MACROD2: variants seen among roughly 807,000 people sequenced by gnomAD.
MACROD2 encodes mono-ADP ribosylhydrolase 2, also known as ADP-ribose glycohydrolase MACROD2.
In MACROD2, 36 loss-of-function variants were observed where a neutral mutation model predicts 70.4. That is an observed-to-expected ratio of 0.51 (90% CI 0.39 to 0.68). MACROD2 has a LOEUF of 0.68. Among genes scored for constraint, MACROD2 ranks in the 30% least tolerant of loss-of-function variants. The pLI, the probability that MACROD2 is intolerant of heterozygous loss-of-function variation, is 0.00. For synonymous variants in MACROD2, 172 were observed against 178.8 expected (o/e 0.96, Z 0.30); for missense variants, 496 against 538.4 (o/e 0.92, Z 0.78).
chr20:15,766,075 T>A (rs2051520120), intron 8 of MACROD2, among the ~76,000 whole-genome samples: 1 of 152,192 alleles, frequency 6.6e-6, no homozygotes, highest in African/African-American at 2.4e-5. Flanking sequence ...CTTATGTTTT[T>A]TATTTGTTTT....
intron 5 of MACROD2, among the ~76,000 whole-genome samples, chr20:14,858,117 G>A (rs567692468): frequency 2.6e-5 from 4 of 152,124 alleles, no homozygotes; most frequent in Non-Finnish European, 5.9e-5. Context: ...CACAGTGCCT[G>A]GCCGAGGAAT....
chr20:14,663,999 C>T (rs928313183), intron 4 of MACROD2, among the ~76,000 whole-genome samples: 33 of 152,004 alleles, frequency 2.2e-4, no homozygotes, highest in Admixed American at 2.1e-3. Flanking sequence ...AGTTCTAGAA[C>T]GTATATTACA....
In MACROD2 at chr20:14,154,542, C is replaced by T. The variant is rs545015758; in HGVS notation, c.271+68814C>T. On this transcript the variant is annotated intron_variant, in intron 3 of 17. Coordinates refer to ENST00000684519, the MANE Select transcript of MACROD2 (RefSeq NM_001351661.2). ...CTGGGACGACAGGCTCCCGCCACTA[C>T]GCCCGGCTAATTTTTTTTTTTTTTT... Among the ~76,000 whole-genome samples the T allele has an allele frequency of 2.7e-4, 40 of 148,614 alleles. 1 individual carries two copies. The South Asian group carries it at 8.0e-3, about 30-fold the overall frequency.
chr20:15,207,436 G>GTT (rs548522491), intron 5 of MACROD2, among the ~76,000 whole-genome samples: 22,360 of 84,118 alleles, frequency 0.27, 4,045 homozygotes, highest in African/African-American at 0.32. Context: ...TTTGTTTCTG[G>GTT]TTTTTTTTTT....
intron 8 of MACROD2, among the ~76,000 whole-genome samples, chr20:15,518,642 G>A (rs1447187533): frequency 6.6e-6 from 1 of 152,122 alleles, no homozygotes; most frequent in Admixed American, 6.5e-5. Flanking sequence ...AAGAACAGGT[G>A]GGAAGAAGGG....
At chr20:15,152,768 G>A (rs1459589861) in intron 5 of MACROD2, among the ~76,000 whole-genome samples, 2 of 152,040 alleles carry the variant, frequency 1.3e-5, no homozygotes, top group African/African-American at 4.8e-5. Context: ...TGAATAATCA[G>A]AGAGGCATCC....
chr20:14,627,442 G>C (rs578252262), intron 4 of MACROD2, among the ~76,000 whole-genome samples: 95 of 152,168 alleles, frequency 6.2e-4, no homozygotes, highest in African/African-American at 2.1e-3. Context: ...GTCCCATTAG[G>C]ATCAACTGAG....
At chr20:15,545,864 A>G (rs909815484) in intron 8 of MACROD2, among the ~76,000 whole-genome samples, 24 of 152,244 alleles carry the variant, frequency 1.6e-4, no homozygotes, top group Admixed American at 1.6e-3. Context: ...GATGTAAGAC[A>G]GGGAGCACCA....
intron 5 of MACROD2, among the ~76,000 whole-genome samples, chr20:14,916,365 G>A (rs1330504865): frequency 6.6e-6 from 1 of 152,164 alleles, no homozygotes; most frequent in Non-Finnish European, 1.5e-5. Flanking sequence ...GTAGGGGTGG[G>A]GTTGAAGGGA....
chr20:14,078,470 G>A (rs990115578), intron 2 of MACROD2, among the ~76,000 whole-genome samples: 4 of 151,776 alleles, frequency 2.6e-5, no homozygotes, highest in African/African-American at 9.7e-5. Flanking sequence ...ACAATGGCGC[G>A]ATCTCGGCTC....
intron 8 of MACROD2, among the ~76,000 whole-genome samples, chr20:15,660,153 G>T (rs75857648): frequency 1.3e-5 from 2 of 152,070 alleles, no homozygotes; most frequent in East Asian, 3.9e-4. Flanking sequence ...CATAATGGGA[G>T]GAGAGAACAA....
chr20:14,584,020 C>T (rs1179589530), intron 4 of MACROD2, among the ~76,000 whole-genome samples: 1 of 152,144 alleles, frequency 6.6e-6, no homozygotes, highest in Admixed American at 6.5e-5. Flanking sequence ...TAGCAAATGC[C>T]TCCAGGAATT....
intron 5 of MACROD2, among the ~76,000 whole-genome samples, chr20:15,137,703 GTATAATA>G (rs2076160691): frequency 6.6e-6 from 1 of 151,594 alleles, no homozygotes; most frequent in East Asian, 1.9e-4. Context: ...AAAACTTAAA[GTATAATA>G]ATAATAAAAA....
intron 3 of MACROD2, among the ~76,000 whole-genome samples, chr20:14,446,208 G>C (rs1196050813): frequency 6.6e-6 from 1 of 151,874 alleles, no homozygotes; most frequent in Non-Finnish European, 1.5e-5. Context: ...CTTCTTGCTT[G>C]GTGTTGGATG....
chr20:14,270,384 C>G (rs1352866028), intron 3 of MACROD2, among the ~76,000 whole-genome samples: 1 of 152,008 alleles, frequency 6.6e-6, no homozygotes, highest in African/African-American at 2.4e-5. Context: ...GAGGTCAGGA[C>G]ATTGAGATGA....
chr20:14,570,531 G>A (rs184357564), intron 4 of MACROD2, among the ~76,000 whole-genome samples: 3 of 151,844 alleles, frequency 2.0e-5, no homozygotes, highest in African/African-American at 7.2e-5. Flanking sequence ...GAAATGAAGA[G>A]GATTGGCAGT....
chr20:15,174,917 A>T (rs1263485349), intron 5 of MACROD2, among the ~76,000 whole-genome samples: 1 of 151,920 alleles, frequency 6.6e-6, no homozygotes, highest in African/African-American at 2.4e-5. Flanking sequence ...CCTTTGTCAG[A>T]TGAGTAGGTT....
rs112167151 is a variant in MACROD2, at chr20:15,012,101, A to T, written c.419-217839A>T. Among the ~76,000 whole-genome samples the T allele has an allele frequency of 3.0e-3, 464 of 152,284 alleles. 4 individuals are homozygous for T. The highest frequency in any genetic ancestry group is 0.011 in the African/African-American group (441 of 41,572). ...ATGGGTTTTTCTTATTTGTCACCCA[A>T]ATGAACCCCAAAGGGTCACAAAAAC... On this transcript the variant is annotated intron_variant, in intron 5 of 17. Transcript: ENST00000684519.
intron 8 of MACROD2, among the ~76,000 whole-genome samples, chr20:15,512,435 C>T (rs2047512377): frequency 6.6e-6 from 1 of 152,162 alleles, no homozygotes; most frequent in South Asian, 2.1e-4. Context: ...TAATAAATTA[C>T]TAAAAATCAT....
Sources: gnomAD v4.1 joint callset for allele counts (sites outside exome capture counted in the v4.1 genomes callset) on GRCh38, gnomAD v4.1.1 for gene constraint, MANE v1.5 for transcripts, NCBI Gene and HGNC (gene_info 2026-07-23, HGNC 2026-07-21) for gene names.